The following IGFL2 variants were observed in gnomAD, a reference collection of about 807,000 sequenced individuals.
IGFL2 encodes the protein IGF like family member 2.
In IGFL2, 7 loss-of-function variants were observed where a neutral mutation model predicts 13.9. That is an observed-to-expected ratio of 0.51 (90% CI 0.29 to 0.95). IGFL2 has a LOEUF of 0.95. Among genes scored for constraint, IGFL2 ranks in the 40% least tolerant of loss-of-function variants. The pLI, the probability that IGFL2 is intolerant of heterozygous loss-of-function variation, is 0.08. For synonymous variants in IGFL2, 55 were observed against 55.8 expected (o/e 0.99, Z 0.07); for missense variants, 138 against 147.8 (o/e 0.93, Z 0.34).
At chr19:46,202,175 T>C in the IGFL2 span, among the ~76,000 whole-genome samples, 1 of 152,182 alleles carries the variant, frequency 6.6e-6, no homozygotes, top group East Asian at 1.9e-4. Context: ...ATGAGTCACA[T>C]TGGGAGCAGA....
At chr19:46,173,235 G>A in the IGFL2 span, among the ~76,000 whole-genome samples, 175 of 152,312 alleles carry the variant, frequency 1.1e-3, 1 homozygote, top group African/African-American at 3.9e-3. Context: ...TGTTCCTTCT[G>A]AAGTGGGAAC....
the IGFL2 span, among the ~76,000 whole-genome samples, chr19:46,198,848 T>C: frequency 1.3e-5 from 2 of 152,178 alleles, no homozygotes; most frequent in Non-Finnish European, 2.9e-5. Context: ...CATCCCTGCC[T>C]ATCCCCTGGG....
chr19:46,207,831 G>A, the IGFL2 span: 1 of 152,200 alleles, frequency 6.6e-6, no homozygotes, highest in Non-Finnish European at 1.5e-5. Flanking sequence ...TCATGTTATA[G>A]CACACCCAGT....
the IGFL2 span, among the ~76,000 whole-genome samples, chr19:46,096,153 T>C: frequency 2.0e-5 from 3 of 152,038 alleles, no homozygotes; most frequent in Non-Finnish European, 4.4e-5. Flanking sequence ...TATCCACAAG[T>C]GTGGAATGTT....
the IGFL2 span, among the ~76,000 whole-genome samples, chr19:46,085,409 A>T: frequency 6.6e-6 from 1 of 151,994 alleles, no homozygotes; most frequent in Middle Eastern, 3.4e-3. Flanking sequence ...TTCCTTTTTG[A>T]TCATTATTGG....
chr19:46,185,137 T>C, the IGFL2 span, among the ~76,000 whole-genome samples: 40 of 152,340 alleles, frequency 2.6e-4, no homozygotes, highest in Non-Finnish European at 4.4e-4. Flanking sequence ...TCTTTGTAGA[T>C]TCTGGATATT....
At chr19:46,197,153 G>A in the IGFL2 span, 1 of 228,916 alleles carries the variant, frequency 4.4e-6, no homozygotes. Flanking sequence ...CCAGAGGGGT[G>A]GAACTGCACC....
At chr19:46,129,980 A>C in the IGFL2 span, among the ~76,000 whole-genome samples, 1 of 152,046 alleles carries the variant, frequency 6.6e-6, no homozygotes, top group South Asian at 2.1e-4. Context: ...TCCCACTATT[A>C]TTGTATGGAT....
At chr19:46,134,456 A>G in the IGFL2 span, among the ~76,000 whole-genome samples, 1 of 152,166 alleles carries the variant, frequency 6.6e-6, no homozygotes. Context: ...AATAATATAC[A>G]TTATATATTA....
intron 1 of IGFL2, among the ~76,000 whole-genome samples, chr19:46,154,343 C>G (rs1973688413): frequency 6.6e-6 from 1 of 152,124 alleles, no homozygotes; most frequent in African/African-American, 2.4e-5. Flanking sequence ...AAAGTGTTGC[C>G]AGGGTTTGAG....
At chr19:46,152,266 GTTTTT>G (rs55934631) in intron 1 of IGFL2, among the ~76,000 whole-genome samples, 1 of 134,018 alleles carries the variant, frequency 7.5e-6, no homozygotes, top group African/African-American at 2.9e-5. Context: ...GCTTCCTTAG[GTTTTT>G]TTTTTTTTTT....
At chr19:46,164,372 C>G (rs764302893), downstream of IGFL2, among the ~76,000 whole-genome samples, 2 of 152,214 alleles carry the variant, frequency 1.3e-5, no homozygotes, top group Non-Finnish European at 1.5e-5. Context: ...CTTCTGCCCC[C>G]AGTCAGCTCA....
chr19:46,212,546 T>G, the IGFL2 span: 2 of 152,334 alleles, frequency 1.3e-5, no homozygotes, highest in South Asian at 4.1e-4. Flanking sequence ...ATGGCTCTTC[T>G]GTGGGGAAAT....
At chr19:46,108,911 G>A in the IGFL2 span, among the ~76,000 whole-genome samples, 1 of 152,232 alleles carries the variant, frequency 6.6e-6, no homozygotes, top group Non-Finnish European at 1.5e-5. Flanking sequence ...AGCAAGAGAG[G>A]TTGGAGAAGA....
the IGFL2 span, among the ~76,000 whole-genome samples, chr19:46,192,836 C>T: frequency 6.6e-6 from 1 of 152,288 alleles, no homozygotes; most frequent in South Asian, 2.1e-4. Context: ...CTTATCTCCA[C>T]TTTCACTTTG....
chr19:46,208,752 T>C, the IGFL2 span: 1 of 152,212 alleles, frequency 6.6e-6, no homozygotes, highest in Non-Finnish European at 1.5e-5. Context: ...CCTGCCACCA[T>C]GGAAGGCGTG....
the IGFL2 span, chr19:46,208,734 C>T: frequency 6.6e-6 from 1 of 152,180 alleles, no homozygotes; most frequent in Non-Finnish European, 1.5e-5. Context: ...GGCTCGCTCT[C>T]TTTCTCTCCT....
the IGFL2 span, among the ~76,000 whole-genome samples, chr19:46,085,256 G>GAAAAC: frequency 9.2e-5 from 14 of 152,128 alleles, no homozygotes; most frequent in African/African-American, 2.4e-4. Context: ...AACACCAAAA[G>GAAAAC]AAAACAAAAC....
At chr19:46,090,623 G>A in the IGFL2 span, among the ~76,000 whole-genome samples, 3 of 152,224 alleles carry the variant, frequency 2.0e-5, no homozygotes, top group African/African-American at 7.2e-5. Context: ...GTGATGACAA[G>A]CACGTTGCCC....
Sources: gnomAD v4.1 joint callset for allele counts (sites outside exome capture counted in the v4.1 genomes callset) on GRCh38, gnomAD v4.1.1 for gene constraint, MANE v1.5 for transcripts, NCBI Gene and HGNC (gene_info 2026-07-23, HGNC 2026-07-21) for gene names.